The following CT47B1 variants were observed in gnomAD, a reference collection of about 807,000 sequenced individuals.
The protein encoded by CT47B1 is cancer/testis antigen family 47 member B1.
CT47B1 carries 24 observed loss-of-function variants against 12.8 expected under a neutral mutation model. The ratio of observed to expected loss-of-function variants is 1.87; its 90% CI spans 1.36 to 2.63. The LOEUF is 2.63. Ranked by LOEUF, CT47B1 falls within the 30% of genes most tolerant of loss-of-function variation. The pLI is 0.00. For synonymous variants in CT47B1, 228 were observed against 133.3 expected (o/e 1.71, Z -4.89); for missense variants, 523 against 271.3 (o/e 1.93, Z -6.52).
chrX:120,875,573 T>G lies in CT47B1; in HGVS notation c.98A>C (p.Gln33Pro), dbSNP rs1479297444. The G allele has an allele frequency of 1.7e-6, 2 of 1,191,458 alleles. No individual in the cohort carries two copies. Among genetic ancestry groups the G allele is most frequent in the Non-Finnish European group, 2.2e-6 (2 of 892,699 alleles). Residue 33 changes from glutamine (Q) to proline (P), a missense_variant, in exon 1 of 3, where the codon CAG (glutamine) becomes CCG (proline). By Grantham distance (76) the Gln-to-Pro change is moderately conservative. Coordinates refer to ENST00000371311, the MANE Select transcript of CT47B1 (RefSeq NM_001145718.3). ...GTCGGGGCCGGAGTCGCCGCCCTCC[T>G]GGTTACCAGCTCCGGCCGCCTCGGC... The part of the protein sequence containing the change: ...AQAEAAGAGN[Q>P]EGGDSGPDSS...
chrX:120,872,853 A>G (rs192499261), intron 2 of CT47B1, 113 bp from the exon 3 acceptor site: 2 of 101,610 alleles, frequency 2.0e-5, no homozygotes, highest in African/African-American at 6.6e-5. Flanking sequence ...GTGACTTTCT[A>G]AATAGAAGAA....
chrX:120,873,232 T>C (rs962258173), intron 2 of CT47B1, among the ~76,000 whole-genome samples: 1 of 99,937 alleles, frequency 1.0e-5, no homozygotes. Flanking sequence ...GAAAGAAAAA[T>C]GTTAACCATT....
At position 120,875,075 on chromosome X, in the gene CT47B1, G is replaced by C. The variant is rs1162805561; in HGVS notation, c.596C>G (p.Ala199Gly). The C allele has an allele frequency of 3.3e-6, 4 of 1,209,515 alleles. No individual in the cohort carries two copies. Among genetic ancestry groups the C allele is most frequent in the Non-Finnish European group, 4.5e-6 (4 of 894,570 alleles). ...LIQEAASVQE[A>G]ASVPEPAVPA... is the part of the protein sequence containing the mutation. ...CACTGCAGGCTCTGGGACCGACGCGGCCTCCTGGACCGACGCAGCCTCCTG... is the reference window on the plus strand; with the variant it reads ...CACTGCAGGCTCTGGGACCGACGCGCCCTCCTGGACCGACGCAGCCTCCTG... Residue 199 changes from alanine to glycine, a missense_variant, in exon 1 of 3, where the codon GCC (alanine) becomes GGC (glycine). Physicochemically the swap from Ala to Gly is moderately conservative, Grantham distance 60. Transcript: ENST00000371311.
chrX:120,874,779 G>C, intron 1 of CT47B1, 117 bp downstream of exon 1: 3 of 1,089,576 alleles, frequency 2.8e-6, no homozygotes, highest in Non-Finnish European at 3.6e-6. Context: ...TTCACCACCC[G>C]AGGCCCCGAC....
rs746898363 is a variant in CT47B1 at position 120,874,966 on chromosome X, C to A, written c.705G>T (p.Lys235Asn). 1 of 1,199,967 alleles carries A rather than the reference C, an allele frequency of 8.3e-7. No individual in the cohort carries two copies. The highest frequency in any genetic ancestry group is 1.1e-6 in the Non-Finnish European group (1 of 886,256). The change falls in exon 1 of 3, where the codon AAG (lysine) becomes AAT (asparagine). Residue 235 changes from lysine (K) to asparagine (N), a missense_variant. By Grantham distance (94) the Lys-to-Asn change is moderately conservative (BLOSUM62 0). Transcript: ENST00000371311. ...GTTCCTCTGTGGCCTCCTCTGTGAGCTTCTCCTCTGCGGCCTCCTCTGGGG... is the reference window on the plus strand; with the variant it reads ...GTTCCTCTGTGGCCTCCTCTGTGAGATTCTCCTCTGCGGCCTCCTCTGGGG... Reference protein sequence around the residue: ...EKPPEEAAEEKLTEEATEEPA... With the variant: ...EKPPEEAAEENLTEEATEEPA...
At position 120,875,261 on chromosome X, in the gene CT47B1, T is replaced by C. The variant is rs1923932438; in HGVS notation, c.410A>G (p.His137Arg). Residue 137 changes from histidine to arginine, a missense_variant, in exon 1 of 3, where the codon CAC (histidine) becomes CGC (arginine). Physicochemically the swap from His to Arg is conservative, Grantham distance 29. Coordinates refer to ENST00000371311, the MANE Select transcript of CT47B1 (RefSeq NM_001145718.3). ...GTTCGCTATCTGGATGTGGTCGTTG[T>C]GATAGAGGCGGCGGAGAAGGGAGTG... ...LVHSLLRRLYHNDHIQIANRH... is the reference protein window; with the variant it reads ...LVHSLLRRLYRNDHIQIANRH... The C allele has an allele frequency of 3.3e-6, 4 of 1,210,139 alleles. No individual in the cohort carries two copies. Among genetic ancestry groups the C allele is most frequent in the Non-Finnish European group, 4.5e-6 (4 of 894,661 alleles).
rs775875037 is a variant in CT47B1 at position 120,875,122 on chromosome X, T to G, written c.549A>C (p.Glu183Asp). ...QRLGAGAAAP[E>D]GEGLGLIQEA... The stretch of plus-strand genomic sequence containing the variant: ...CCTGGATCAGGCCGAGGCCCTCGCC[T>G]TCTGGGGCTGCAGCCCCTGCACCCA... Residue 183 changes from glutamate (E) to aspartate (D), a missense_variant, in exon 1 of 3, where the codon GAA becomes GAC. Transcript: ENST00000371311. 3.3e-6 allele frequency: 4 copies of G among 1,210,241 alleles called. No homozygotes were observed. The highest frequency in any genetic ancestry group is 3.4e-6 in the Non-Finnish European group (3 of 894,690).
Position 120,875,236 on chromosome X carries a change from G to A in CT47B1, c.435C>T (p.Asn145=). The change falls in exon 1 of 3, where the codon AAC becomes AAT. Residue 145 remains asparagine, a synonymous_variant. Transcript: ENST00000371311. The part of the protein sequence containing the change: ...LYHNDHIQIA[N]RHLSRLMVGP... ...CCACCATCAGGCGGCTGAGGTGACG[G>A]TTCGCTATCTGGATGTGGTCGTTGT... The A allele has an allele frequency of 8.3e-7, 1 of 1,211,335 alleles. No individual in the cohort carries two copies. Among genetic ancestry groups the A allele is most frequent in the Non-Finnish European group, 1.1e-6 (1 of 894,878 alleles).
rs1923941020 is a variant in CT47B1, at chrX:120,875,316, C to G, written c.355G>C (p.Gly119Arg). 8.3e-7 allele frequency: 1 copy of G among 1,209,744 alleles called. No individual in the cohort carries two copies. Among genetic ancestry groups the G allele is most frequent in the Non-Finnish European group, 1.1e-6 (1 of 894,492 alleles). ...AGGTACAGGAACACGAAGCCAATGC[C>G]CGCCGCCGGGTACCGACGGGTGGCC... The part of the protein sequence containing the change: ...AVATRRYPAA[G>R]IGFVFLYLVH... The change falls in exon 1 of 3, where the codon GGC becomes CGC. Residue 119 changes from glycine (G) to arginine (R), a missense_variant. Gly to Arg is a moderately radical substitution (Grantham distance 125, BLOSUM62 -2). Transcript: ENST00000371311.
Position 120,875,528 on chromosome X carries a change from G to C in CT47B1, c.143C>G (p.Ala48Gly). 2 of 1,197,243 alleles carry C rather than the reference G, an allele frequency of 1.7e-6. No homozygotes were observed. Among genetic ancestry groups the C allele is most frequent in the Non-Finnish European group, 2.2e-6 (2 of 894,125 alleles). ...CCCTGCGACTCCGACCACCTCGGCC[G>C]CAGGCACCATGTCGCTGCTGTCGGG... The part of the protein sequence containing the change: ...SGPDSSDMVP[A>G]AEVVGVAGPV... The change falls in exon 1 of 3, where the codon GCG (alanine) becomes GGG (glycine). Residue 48 changes from alanine (A) to glycine (G), a missense_variant. Physicochemically the swap from Ala to Gly is moderately conservative, Grantham distance 60. Coordinates refer to ENST00000371311, the MANE Select transcript of CT47B1 (RefSeq NM_001145718.3).
chrX:120,874,982 T>A lies in CT47B1; in HGVS notation c.689A>T (p.Glu230Val). ...EEAADEKPPE[E>V]AAEEKLTEEA... Reference sequence around the variant, plus strand: ...CTCTGTGAGCTTCTCCTCTGCGGCCTCCTCTGGGGGTTTCTCATCTGCGGC... The same window carrying A: ...CTCTGTGAGCTTCTCCTCTGCGGCCACCTCTGGGGGTTTCTCATCTGCGGC... Residue 230 changes from glutamate (E) to valine (V), a missense_variant, in exon 1 of 3, where the codon GAG becomes GTG. Physicochemically the swap from Glu to Val is moderately radical, Grantham distance 121. Transcript: ENST00000371311. 8.3e-7 allele frequency: 1 copy of A among 1,210,240 alleles called. No individual in the cohort carries two copies. The highest frequency in any genetic ancestry group is 1.1e-6 in the Non-Finnish European group (1 of 894,809).
rs1474586929 is a variant in CT47B1, at chrX:120,875,087, G to T, written c.584C>A (p.Ser195Ter). ...TGGGACCGACGCGGCCTCCTGGACCGACGCAGCCTCCTGGATCAGGCCGAG... is the reference window on the plus strand; with the variant it reads ...TGGGACCGACGCGGCCTCCTGGACCTACGCAGCCTCCTGGATCAGGCCGAG... ...EGLGLIQEAASVQEAASVPEP... is the reference protein window; with the variant it reads ...EGLGLIQEAA The change falls in exon 1 of 3, where the codon TCG becomes TAG. Residue 195 changes from serine (S) to a stop codon, truncating the protein, a stop_gained. Transcript: ENST00000371311. LOFTEE classifies it high-confidence loss of function. 4.1e-6 allele frequency: 5 copies of T among 1,209,470 alleles called. No homozygotes were observed. Among genetic ancestry groups the T allele is most frequent in the Non-Finnish European group, 5.6e-6 (5 of 894,640 alleles).
rs201086354 is a variant in CT47B1, at chrX:120,875,280, G to C, written c.391C>G (p.Leu131Val). The change falls in exon 1 of 3, where the codon CTT becomes GTT. Residue 131 changes from leucine (L) to valine (V), a missense_variant. Transcript: ENST00000371311. Reference sequence around the variant, plus strand: ...TCGTTGTGATAGAGGCGGCGGAGAAGGGAGTGGACCAGGTACAGGAACACG... The same window carrying C: ...TCGTTGTGATAGAGGCGGCGGAGAACGGAGTGGACCAGGTACAGGAACACG... ...GFVFLYLVHS[L>V]LRRLYHNDHI... 1 of 1,211,524 alleles carries C rather than the reference G, an allele frequency of 8.3e-7. No homozygotes were observed.
chrX:120,873,179 G>A (rs1296277663), intron 2 of CT47B1, among the ~76,000 whole-genome samples: 3 of 100,029 alleles, frequency 3.0e-5, no homozygotes, highest in Admixed American at 1.1e-4. Context: ...GAAAGAAGCC[G>A]TTACGAAATA....
Position 120,875,255 on chromosome X carries a change from T to C in CT47B1, c.416A>G (p.Asp139Gly). 1 of 1,211,036 alleles carries C rather than the reference T, an allele frequency of 8.3e-7. No homozygotes were observed. Among genetic ancestry groups the C allele is most frequent in the Non-Finnish European group, 1.1e-6 (1 of 894,778 alleles). ...GTGACGGTTCGCTATCTGGATGTGG[T>C]CGTTGTGATAGAGGCGGCGGAGAAG... ...HSLLRRLYHN[D>G]HIQIANRHLS... The change falls in exon 1 of 3, where the codon GAC becomes GGC. Residue 139 changes from aspartate to glycine, a missense_variant. Physicochemically the swap from Asp to Gly is moderately conservative, Grantham distance 94. Coordinates refer to ENST00000371311, the MANE Select transcript of CT47B1 (RefSeq NM_001145718.3).
In CT47B1 at chrX:120,874,929, C is replaced by A. The variant is rs1031965070; in HGVS notation, c.742G>T (p.Glu248Ter). Residue 248 changes from glutamate (E) to a stop codon, truncating the protein, a stop_gained, in exon 1 of 3, where the codon GAA becomes TAA. Coordinates refer to ENST00000371311, the MANE Select transcript of CT47B1 (RefSeq NM_001145718.3). LOFTEE classifies it high-confidence loss of function. Reference sequence around the variant, plus strand: ...GCCACGGCCTCCTCTGAGGTCGGTTCCTCTGCGGCCGGTTCCTCTGTGGCC... The same window carrying A: ...GCCACGGCCTCCTCTGAGGTCGGTTACTCTGCGGCCGGTTCCTCTGTGGCC... ...EEATEEPAAE[E>*]PTSEEAVAPE... The A allele has an allele frequency of 1.7e-6, 2 of 1,208,565 alleles. No individual in the cohort carries two copies. Among genetic ancestry groups the A allele is most frequent in the African/African-American group, 3.5e-5 (2 of 57,300 alleles).
At chrX:120,874,188 A>G (rs2147369377) in intron 1 of CT47B1, among the ~76,000 whole-genome samples, 168 bp from the exon 2 acceptor site, 1 of 95,664 alleles carries the variant, frequency 1.0e-5, no homozygotes, top group African/African-American at 3.9e-5. Context: ...CAACAGTTCC[A>G]TGGCCCTCAC....
At chrX:120,874,863 C>G (rs757713592) in intron 1 of CT47B1, 33 bp downstream of exon 1, 3 of 1,202,146 alleles carry the variant, frequency 2.5e-6, no homozygotes, top group Non-Finnish European at 2.2e-6. Flanking sequence ...ACATGGATCC[C>G]CGCTTCCCCG....
In CT47B1 at chrX:120,875,285, T is replaced by A. The variant is rs1254735568; in HGVS notation, c.386A>T (p.His129Leu). ...GIGFVFLYLV[H>L]SLLRRLYHND... The stretch of plus-strand genomic sequence containing the variant: ...GTGATAGAGGCGGCGGAGAAGGGAG[T>A]GGACCAGGTACAGGAACACGAAGCC... The change falls in exon 1 of 3, where the codon CAC (histidine) becomes CTC (leucine). Residue 129 changes from histidine (H) to leucine (L), a missense_variant. By Grantham distance (99) the His-to-Leu change is moderately conservative (BLOSUM62 -3). Coordinates refer to ENST00000371311, the MANE Select transcript of CT47B1 (RefSeq NM_001145718.3). 1 of 1,210,341 alleles carries A rather than the reference T, an allele frequency of 8.3e-7. No homozygotes were observed. The highest frequency in any genetic ancestry group is 1.8e-5 in the South Asian group (1 of 56,921).
Sources: gnomAD v4.1 joint callset for allele counts (sites outside exome capture counted in the v4.1 genomes callset) on GRCh38, gnomAD v4.1.1 for gene constraint, MANE v1.5 for transcripts, NCBI Gene and HGNC (gene_info 2026-07-23, HGNC 2026-07-21) for gene names.